SLCO3A1: variants seen among roughly 807,000 people sequenced by gnomAD.
SLCO3A1 encodes the protein PGE1 transporter.
Under a neutral mutation model 63.1 loss-of-function variants are expected in SLCO3A1, and 27 were observed. The observed-to-expected ratio is 0.43, with a 90% CI of 0.32 to 0.59. The LOEUF (loss-of-function observed/expected upper bound fraction) is 0.59, where lower values mean the gene tolerates loss of function less well. Among genes scored for constraint, SLCO3A1 ranks in the 20% least tolerant of loss-of-function variants. SLCO3A1 has a pLI of 0.09. For missense variants in SLCO3A1, 773 were observed against 945.8 expected (o/e 0.82, Z 2.40); for synonymous variants, 473 against 409.9 (o/e 1.15, Z -1.86).
At chr15:92,054,332 T>A (rs2046996367) in intron 2 of SLCO3A1, among the ~76,000 whole-genome samples, 1 of 152,232 alleles carries the variant, frequency 6.6e-6, no homozygotes, top group South Asian at 2.1e-4. Flanking sequence ...CTTATTTCCC[T>A]GCACACTTCT....
intron 2 of SLCO3A1, among the ~76,000 whole-genome samples, chr15:91,959,629 C>T (rs1419412850): frequency 6.9e-6 from 1 of 145,042 alleles, no homozygotes; most frequent in Non-Finnish European, 1.5e-5. Flanking sequence ...GAAGCTGAGG[C>T]AGGAGAATCG....
At chr15:91,914,529 C>T (rs1313593936) in intron 1 of SLCO3A1, among the ~76,000 whole-genome samples, 1 of 150,080 alleles carries the variant, frequency 6.7e-6, no homozygotes, top group African/African-American at 2.4e-5. Context: ...TGGCTCCTTA[C>T]AATTTGTCCT....
chr15:91,944,381 T>C (rs1311410851), intron 2 of SLCO3A1, among the ~76,000 whole-genome samples: 1 of 152,150 alleles, frequency 6.6e-6, no homozygotes, highest in East Asian at 1.9e-4. Flanking sequence ...AAAGCAGTAT[T>C]GGAAGGATGC....
rs115247382 is a variant in SLCO3A1, at chr15:92,151,389, G to A, written c.1753+375G>A. ...GGGCCGCCAGCTGGGAGAGAGAGGC[G>A]TTCTCACAATGCCTTGAAAATGGAA... On this transcript the variant is annotated intron_variant, in intron 9 of 9. Coordinates refer to ENST00000318445, the MANE Select transcript of SLCO3A1 (RefSeq NM_013272.4). 5.4e-3 allele frequency among the ~76,000 whole-genome samples: 819 copies of A among 152,242 alleles called. 3 individuals are homozygous for A. The highest frequency in any genetic ancestry group is 0.018 in the African/African-American group (745 of 41,554).
At chr15:92,061,977 TGACA>T (rs1220753173) in intron 2 of SLCO3A1, among the ~76,000 whole-genome samples, 1 of 152,166 alleles carries the variant, frequency 6.6e-6, no homozygotes, top group African/African-American at 2.4e-5. Context: ...CAGATGGCAT[TGACA>T]GACAGCGCCC....
Position 91,986,003 on chromosome 15 carries a change from T to G in SLCO3A1, c.646+69545T>G, listed in dbSNP as rs557952373. Among the ~76,000 whole-genome samples the G allele has an allele frequency of 4.6e-5, 7 of 152,264 alleles. No individual in the cohort carries two copies. The South Asian group carries it at 1.5e-3, about 32-fold the overall frequency. On this transcript the variant is annotated intron_variant, in intron 2 of 9. Transcript: ENST00000318445. ...TCTCCCCCTTGTAACAGGCTTCCAG[T>G]GCCAAGGAGGCTGGGAATTCCACAT...
At chr15:92,112,346 G>T (rs752313277) in intron 4 of SLCO3A1, among the ~76,000 whole-genome samples, 1 of 152,234 alleles carries the variant, frequency 6.6e-6, no homozygotes, top group Non-Finnish European at 1.5e-5. Context: ...GTGAAATTAT[G>T]AATGAGTTAT....
Position 91,912,933 on chromosome 15 carries a change from C to T in SLCO3A1, c.181-3060C>T, listed in dbSNP as rs1431780264. ...TTTAGGCTGCCTTCCTTTTTGTTGC[C>T]ACATTGCATCACCTATTATAAACCT... On this transcript the variant is annotated intron_variant, in intron 1 of 9. Coordinates refer to ENST00000318445, the MANE Select transcript of SLCO3A1 (RefSeq NM_013272.4). This position sits in a 1 kb window ranked among gnomAD's most constrained non-coding sequence, Gnocchi z 5.0. Among the ~76,000 whole-genome samples the T allele has an allele frequency of 6.6e-6, 1 of 152,214 alleles. No homozygotes were observed. The highest frequency in any genetic ancestry group is 1.5e-5 in the Non-Finnish European group (1 of 68,034).
At chr15:92,142,200 C>G (rs1048313770) in intron 7 of SLCO3A1, among the ~76,000 whole-genome samples, 5 of 152,198 alleles carry the variant, frequency 3.3e-5, no homozygotes, top group Non-Finnish European at 7.3e-5. Context: ...TCTGGCTTTT[C>G]TTCTTCTGTC....
At chr15:91,919,891 A>G (rs1446099357) in intron 2 of SLCO3A1, among the ~76,000 whole-genome samples, 1 of 152,118 alleles carries the variant, frequency 6.6e-6, no homozygotes, top group African/African-American at 2.4e-5. Context: ...ATTAGAGAAT[A>G]TTGTAGCTTT....
intron 1 of SLCO3A1, among the ~76,000 whole-genome samples, chr15:91,904,673 T>C (rs1312014023): frequency 6.6e-6 from 1 of 152,170 alleles, no homozygotes. Flanking sequence ...TTCTTATGGT[T>C]CGTGGTTGTT....
chr15:91,964,122 A>G (rs1049375793), intron 2 of SLCO3A1, among the ~76,000 whole-genome samples: 2 of 152,126 alleles, frequency 1.3e-5, no homozygotes, highest in African/African-American at 4.8e-5. Context: ...ACCTCTCAGT[A>G]TGGGTGGGGA....
chr15:92,028,730 T>C (rs2046606805), intron 2 of SLCO3A1, among the ~76,000 whole-genome samples: 1 of 152,214 alleles, frequency 6.6e-6, no homozygotes, highest in Admixed American at 6.5e-5. Context: ...CTGCTTCTGA[T>C]TTTTGTGGAG....
intron 1 of SLCO3A1, among the ~76,000 whole-genome samples, chr15:91,861,048 A>T (rs117432116): frequency 4.1e-4 from 62 of 152,288 alleles, no homozygotes; most frequent in Admixed American, 7.8e-4. Context: ...CTTGCGAAGG[A>T]TAGAGAAGGA....
At chr15:92,017,103 G>A (rs113513914) in intron 2 of SLCO3A1, among the ~76,000 whole-genome samples, 5 of 152,186 alleles carry the variant, frequency 3.3e-5, no homozygotes, top group African/African-American at 9.7e-5. Flanking sequence ...CATAAAAAGC[G>A]ACTAGATACC....
At chr15:91,902,190 T>A (rs1020174755) in intron 1 of SLCO3A1, among the ~76,000 whole-genome samples, 1 of 152,160 alleles carries the variant, frequency 6.6e-6, no homozygotes, top group African/African-American at 2.4e-5. Flanking sequence ...GAAAAATATT[T>A]TCTGTATCTC....
At chr15:92,032,674 G>A (rs73536124) in intron 2 of SLCO3A1, among the ~76,000 whole-genome samples, 1 of 152,106 alleles carries the variant, frequency 6.6e-6, no homozygotes, top group African/African-American at 2.4e-5. Flanking sequence ...GTTGGAGTGG[G>A]CAGCATCTTG....
intron 1 of SLCO3A1, among the ~76,000 whole-genome samples, chr15:91,869,774 G>C (rs1418047336): frequency 2.0e-5 from 3 of 152,040 alleles, no homozygotes; most frequent in African/African-American, 7.3e-5. Flanking sequence ...ACATCATCTT[G>C]GGGGTTGTGT....
intron 2 of SLCO3A1, among the ~76,000 whole-genome samples, chr15:91,924,716 C>T (rs910200832): frequency 6.6e-6 from 1 of 152,164 alleles, no homozygotes; most frequent in Non-Finnish European, 1.5e-5. Context: ...CGGACCCACT[C>T]CTACTGACAC....
Sources: allele counts gnomAD v4.1 joint callset (sites outside exome capture counted in the v4.1 genomes callset), GRCh38; gene constraint gnomAD v4.1.1; non-coding constraint Gnocchi (gnomAD v3.1); transcripts MANE v1.5; gene names NCBI Gene and HGNC (gene_info 2026-07-23, HGNC 2026-07-21).